The following NSMF variants were observed in gnomAD, a reference collection of about 807,000 sequenced individuals.
NSMF encodes nasal embryonic LHRH factor.
NSMF carries 31 observed loss-of-function variants against 71.0 expected under a neutral mutation model. The ratio of observed to expected loss-of-function variants is 0.44; its 90% CI spans 0.33 to 0.59. The LOEUF is 0.59. Among genes scored for constraint, NSMF ranks in the 20% least tolerant of loss-of-function variants. The pLI is 0.04. For synonymous variants in NSMF, 345 were observed against 287.1 expected (o/e 1.20, Z -2.04); for missense variants, 673 against 740.5 (o/e 0.91, Z 1.06).
At position 137,453,724 on chromosome 9, in the gene NSMF, C is replaced by G. The variant is rs1160242886; in HGVS notation, c.922+7G>C. The G allele has an allele frequency of 6.3e-7, 1 of 1,597,052 alleles. No homozygotes were observed. Among genetic ancestry groups the G allele is most frequent in the Non-Finnish European group, 8.5e-7 (1 of 1,175,378 alleles). The stretch of plus-strand genomic sequence containing the variant: ...GGAAGGTGGGCGGGCCTGTGCGGGG[C>G]ACCTACTGTCTCGGGAGTCGTGGGA... On this transcript the variant is annotated splice_region_variant and intron_variant, in intron 8 of 15. Coordinates refer to ENST00000371475, the MANE Select transcript of NSMF (RefSeq NM_001130969.3). This position sits in a 1 kb window ranked among gnomAD's most constrained non-coding sequence, Gnocchi z 4.5.
chr9:137,457,062 G>A (rs897322397), intron 3 of NSMF, among the ~76,000 whole-genome samples: 23 of 152,072 alleles, frequency 1.5e-4, no homozygotes, highest in African/African-American at 5.3e-4. Context: ...CAGGACTCTC[G>A]GAGGGCAGCC....
chr9:137,449,290 G>A lies in NSMF; in HGVS notation c.*104C>T, dbSNP rs11541259. The stretch of plus-strand genomic sequence containing the variant: ...CTGAGGTGCCCTGAAGTGGCTCCAG[G>A]CGAGACCGGAGCCACACAGTCCCGG... On this transcript the variant is annotated 3_prime_UTR_variant, in exon 16 of 16. Transcript: ENST00000371475. 1.0e-6 allele frequency: 1 copy of A among 968,344 alleles called. No homozygotes were observed. Among genetic ancestry groups the A allele is most frequent in the Non-Finnish European group, 1.6e-6 (1 of 621,552 alleles). The allele number at this position is 968,344 out of a possible 1,614,324, so 60.0% of individuals were successfully genotyped here. A position where few individuals can be genotyped will look rare whatever the true frequency, so the allele number is the denominator to read the frequency against.
In NSMF at chr9:137,453,953, G is replaced by A; in HGVS notation, c.833-133C>T. 3 of 714,984 alleles carry A rather than the reference G, an allele frequency of 4.2e-6. No individual in the cohort carries two copies. Among genetic ancestry groups the A allele is most frequent in the South Asian group, 3.3e-5 (2 of 60,720 alleles). The allele number at this position is 714,984 out of a possible 1,614,324, so 44.3% of individuals were successfully genotyped here. On this transcript the variant is annotated intron_variant, in intron 7 of 15. Transcript: ENST00000371475. This position sits in a 1 kb window ranked among gnomAD's most constrained non-coding sequence, Gnocchi z 4.5. The stretch of plus-strand genomic sequence containing the variant: ...GTGGGTGGGGTCTAAGGCACATGAA[G>A]CAGACACGGACCAGAGGCTCGGTTG...
Position 137,453,325 on chromosome 9 carries a change from C to T in NSMF, c.923-145G>A, listed in dbSNP as rs1004683524. ...GGACCATACAGAGGTCGCCGCCAGC[C>T]CGGCAGGACAGGCCTGTGGACACCA... On this transcript the variant is annotated intron_variant, in intron 8 of 15. Coordinates refer to ENST00000371475, the MANE Select transcript of NSMF (RefSeq NM_001130969.3). This position sits in a 1 kb window ranked among gnomAD's most constrained non-coding sequence, Gnocchi z 4.5. 3.4e-6 allele frequency: 4 copies of T among 1,173,620 alleles called. No individual in the cohort carries two copies. The allele number at this position is 1,173,620 out of a possible 1,614,324, so 72.7% of individuals were successfully genotyped here. A position where few individuals can be genotyped will look rare whatever the true frequency, so the allele number is the denominator to read the frequency against.
At chr9:137,454,918 G>T in intron 6 of NSMF, 2 of 708,654 alleles carry the variant, frequency 2.8e-6, no homozygotes, top group South Asian at 1.7e-5. Flanking sequence ...CCAAACTTTG[G>T]ACCCTGCCAA....
At chr9:137,456,727 C>A (rs889939279) in intron 3 of NSMF, among the ~76,000 whole-genome samples, 2 of 152,178 alleles carry the variant, frequency 1.3e-5, no homozygotes, top group African/African-American at 4.8e-5. Context: ...CTTAACTTTC[C>A]CTTTGGCCAC....
At position 137,453,958 on chromosome 9, in the gene NSMF, C is replaced by T. The variant is rs1830687256; in HGVS notation, c.833-138G>A. ...TGGGGTCTAAGGCACATGAAGCAGA[C>T]ACGGACCAGAGGCTCGGTTGGTTCA... On this transcript the variant is annotated intron_variant, in intron 7 of 15. Coordinates refer to ENST00000371475, the MANE Select transcript of NSMF (RefSeq NM_001130969.3). This position sits in a 1 kb window ranked among gnomAD's most constrained non-coding sequence, Gnocchi z 4.5. 2 of 702,700 alleles carry T rather than the reference C, an allele frequency of 2.8e-6. No individual in the cohort carries two copies. The highest frequency in any genetic ancestry group is 3.3e-5 in the South Asian group (2 of 59,766). 43.5% of individuals were successfully genotyped at this position (702,700 alleles called of 1,614,324 possible).
At chr9:137,456,372 C>T (rs575872487) in intron 4 of NSMF, 39 bp downstream of exon 4, 3 of 1,520,204 alleles carry the variant, frequency 2.0e-6, no homozygotes, top group Admixed American at 1.7e-5. Context: ...AGAAAGAGAC[C>T]ACCCAACCCT....
chr9:137,454,322 A>G, intron 7 of NSMF, 69 bp downstream of exon 7: 1 of 1,431,918 alleles, frequency 7.0e-7, no homozygotes, highest in African/African-American at 1.4e-5. Flanking sequence ...TATCGCAGCT[A>G]GCAGCAAGCA....
At position 137,457,754 on chromosome 9, in the gene NSMF, C is replaced by T; in HGVS notation, c.281G>A (p.Gly94Asp). The part of the protein sequence containing the change: ...SEEPSIRKPA[G>D]EGPQPRVYTI... ...GTACACTCGAGGCTGAGGGCCCTCG[C>T]CTGCGGGCTTCCTAATGCTGGGCTC... Residue 94 changes from glycine to aspartate, a missense_variant, in exon 3 of 16, where the codon GGC (glycine) becomes GAC (aspartate). Gly to Asp is a moderately conservative substitution (Grantham distance 94, BLOSUM62 -1). Coordinates refer to ENST00000371475, the MANE Select transcript of NSMF (RefSeq NM_001130969.3). 1 of 1,559,352 alleles carries T rather than the reference C, an allele frequency of 6.4e-7. No homozygotes were observed. The highest frequency in any genetic ancestry group is 8.7e-7 in the Non-Finnish European group (1 of 1,151,848).
rs1839774990 is a variant in NSMF, at chr9:137,449,296, C to T, written c.*98G>A. The T allele has an allele frequency of 1.2e-5, 12 of 1,037,204 alleles. No individual in the cohort carries two copies. Among genetic ancestry groups the T allele is most frequent in the Non-Finnish European group, 1.8e-5 (12 of 680,590 alleles). The allele number at this position is 1,037,204 out of a possible 1,614,324, so 64.3% of individuals were successfully genotyped here. The stretch of plus-strand genomic sequence containing the variant: ...TGCCCTGAAGTGGCTCCAGGCGAGA[C>T]CGGAGCCACACAGTCCCGGGGAGCA... On this transcript the variant is annotated 3_prime_UTR_variant, in exon 16 of 16. Transcript: ENST00000371475.
chr9:137,457,220 G>A (rs1276767306), intron 3 of NSMF, among the ~76,000 whole-genome samples, 187 bp downstream of exon 3: 1 of 152,192 alleles, frequency 6.6e-6, no homozygotes, highest in Non-Finnish European at 1.5e-5. Flanking sequence ...GAGGAGCTGA[G>A]GGAGCTCACA....
At chr9:137,457,954 G>C in intron 2 of NSMF, 53 bp from the exon 3 acceptor site, 1 of 1,535,148 alleles carries the variant, frequency 6.5e-7, no homozygotes, top group Non-Finnish European at 8.7e-7. Flanking sequence ...CCCCGCTGCC[G>C]GTTTCATAGC....
intron 6 of NSMF, chr9:137,454,749 C>A: frequency 6.9e-7 from 1 of 1,457,690 alleles, no homozygotes; most frequent in Non-Finnish European, 9.1e-7. Flanking sequence ...GACTTACGCC[C>A]TGAGCCTCCA....
At chr9:137,458,634 C>CT in intron 1 of NSMF, 85 bp from the exon 2 acceptor site, 1 of 1,286,360 alleles carries the variant, frequency 7.8e-7, no homozygotes, top group Non-Finnish European at 1.1e-6. Context: ...GGTCCGGTCC[C>CT]CAGCCAGGCC....
chr9:137,452,244 C>G (rs1830570485), intron 12 of NSMF, 121 bp downstream of exon 12: 1 of 928,302 alleles, frequency 1.1e-6, no homozygotes. Context: ...CACCTCTTCC[C>G]CTTGGTCTCC....
chr9:137,452,504 C>A (rs776148466), intron 11 of NSMF, 49 bp downstream of exon 11: 3 of 1,612,240 alleles, frequency 1.9e-6, no homozygotes, highest in Non-Finnish European at 2.5e-6. Flanking sequence ...CCTGTGTCTG[C>A]CCCTCCCAGG....
At chr9:137,454,856 C>T (rs1830752903) in intron 6 of NSMF, 4 of 1,051,478 alleles carry the variant, frequency 3.8e-6, no homozygotes, top group Non-Finnish European at 5.2e-6. Context: ...GCAGGAGCCC[C>T]CTCTCCTGCT....
Position 137,453,912 on chromosome 9 carries a change from AGAG to A in NSMF, c.833-95_833-93del, listed in dbSNP as rs1830683638. On this transcript the variant is annotated intron_variant, in intron 7 of 15. Transcript: ENST00000371475. This position sits in a 1 kb window ranked among gnomAD's most constrained non-coding sequence, Gnocchi z 4.5. ...CGAGGGGACCACAGGGGCCCTGGGCAGAGGAGGAAGCTAATGTGGGTGGGGTCT... is the reference window on the plus strand; with the variant it reads ...CGAGGGGACCACAGGGGCCCTGGGCAGAGGAAGCTAATGTGGGTGGGGTCT... The A allele has an allele frequency of 9.1e-7, 1 of 1,093,768 alleles. No homozygotes were observed. The highest frequency in any genetic ancestry group is 1.3e-6 in the Non-Finnish European group (1 of 749,902). The allele number at this position is 1,093,768 out of a possible 1,614,324, so 67.8% of individuals were successfully genotyped here. A position where few individuals can be genotyped will look rare whatever the true frequency, so the allele number is the denominator to read the frequency against.
Sources: allele counts gnomAD v4.1 joint callset (sites outside exome capture counted in the v4.1 genomes callset), GRCh38; gene constraint gnomAD v4.1.1; non-coding constraint Gnocchi (gnomAD v3.1); transcripts MANE v1.5; gene names NCBI Gene and HGNC (gene_info 2026-07-23, HGNC 2026-07-21).